Variants in DLGAP2 observed in about 807,000 individuals in gnomAD.
The protein encoded by DLGAP2 is DLG associated protein 2.
A neutral mutation model predicts 100.3 loss-of-function variants in DLGAP2; 26 were observed. The ratio of observed to expected loss-of-function variants is 0.26; its 90% confidence interval spans 0.19 to 0.36. The LOEUF is 0.36. Among genes scored for constraint, DLGAP2 ranks in the 10% least tolerant of loss-of-function variants. DLGAP2 has a pLI of 1.00. For missense variants in DLGAP2, 1,858 were observed against 1,453.2 expected, an observed-to-expected ratio of 1.28 and a Z score of -4.53; for synonymous variants, 886 against 630.1, an observed-to-expected ratio of 1.41 and a Z score of -6.08.
Position 1,548,746 on chromosome 8 carries a change from C to T in DLGAP2, c.293C>T (p.Thr98Met), listed in dbSNP as rs963965613. The change falls in exon 5 of 15, where the codon ACG (threonine) becomes ATG (methionine). Residue 98 changes from threonine (T) to methionine (M), a missense_variant. Physicochemically the swap from Thr to Met is moderately conservative, Grantham distance 81. Transcript: ENST00000637795. The stretch of plus-strand genomic sequence containing the variant: ...CAGCCGCCGCTGTGTTCCGGGCACA[C>T]GTGTGGTCTGGCGCCCCCGGAGGAC... ...RTQPPLCSGH[T>M]CGLAPPEDCE... The T allele has an allele frequency of 1.9e-6, 3 of 1,605,596 alleles. No homozygotes were observed. Among genetic ancestry groups the T allele is most frequent in the East Asian group, 2.2e-5 (1 of 44,630 alleles).
intron 2 of DLGAP2, among the ~76,000 whole-genome samples, chr8:1,024,673 G>A (rs1178784683): frequency 2.6e-5 from 4 of 152,208 alleles, no homozygotes; most frequent in Non-Finnish European, 5.9e-5. Context: ...CAGAGGAGGA[G>A]TGCGGTGGGT....
At chr8:936,926 G>A (rs1799085756) in intron 2 of DLGAP2, among the ~76,000 whole-genome samples, 1 of 152,208 alleles carries the variant, frequency 6.6e-6, no homozygotes, top group Admixed American at 6.5e-5. Context: ...AAAGCGCACT[G>A]CGTGACGTCA....
At chr8:908,318 C>T (rs973866578) in intron 2 of DLGAP2, among the ~76,000 whole-genome samples, 1 of 152,106 alleles carries the variant, frequency 6.6e-6, no homozygotes, top group Non-Finnish European at 1.5e-5. Context: ...AGAAAATCAC[C>T]ATTCTTATTG....
intron 3 of DLGAP2, among the ~76,000 whole-genome samples, chr8:1,262,244 C>T (rs1355816380): frequency 1.3e-5 from 2 of 152,162 alleles, no homozygotes; most frequent in Admixed American, 6.5e-5. Flanking sequence ...GCCTGTTTTT[C>T]AGAGAACTTA....
intron 4 of DLGAP2, among the ~76,000 whole-genome samples, chr8:1,524,165 A>AG (rs1800711786): frequency 6.6e-6 from 1 of 152,150 alleles, no homozygotes; most frequent in Non-Finnish European, 1.5e-5. Context: ...GGGCTTTTAA[A>AG]GGGGAACATC....
chr8:1,549,739 G>T (rs945658935), intron 5 of DLGAP2, 56 bp downstream of exon 5: 1 of 1,450,586 alleles, frequency 6.9e-7, no homozygotes, highest in South Asian at 1.4e-5. Flanking sequence ...TGGTATTGTC[G>T]TTATTCCTTT....
chr8:1,388,899 T>C (rs1796281561), intron 3 of DLGAP2, among the ~76,000 whole-genome samples: 1 of 126,738 alleles, frequency 7.9e-6, no homozygotes, highest in African/African-American at 3.1e-5. Flanking sequence ...GTGTCAGGGC[T>C]GTGAGAGGCA....
At position 1,145,699 on chromosome 8, in the gene DLGAP2, G is replaced by C. The variant is rs576987649; in HGVS notation, c.74-113152G>C. On this transcript the variant is annotated intron_variant, in intron 2 of 14. Transcript: ENST00000637795. ...ACATATGTATACATGTGCCATGCTG[G>C]TGTGCTGCACCCATTAACTCGTCAT... Among the ~76,000 whole-genome samples the C allele has an allele frequency of 2.7e-5, 4 of 150,758 alleles. No homozygotes were observed. In the East Asian group the frequency reaches 7.8e-4, roughly 29 times the overall value.
At chr8:1,202,078 TGTG>T (rs1210624630) in intron 2 of DLGAP2, among the ~76,000 whole-genome samples, 6 of 152,162 alleles carry the variant, frequency 3.9e-5, no homozygotes, top group East Asian at 1.9e-4. Flanking sequence ...TGTGTACGCC[TGTG>T]GTGTGTGCAA....
chr8:1,100,572 A>C (rs1219446461), intron 2 of DLGAP2, among the ~76,000 whole-genome samples: 1 of 152,150 alleles, frequency 6.6e-6, no homozygotes. Flanking sequence ...TGGTCTCAGA[A>C]TGTGTCTTCT....
chr8:1,006,812 G>A (rs1459816878), intron 2 of DLGAP2, among the ~76,000 whole-genome samples: 13 of 53,930 alleles, frequency 2.4e-4, no homozygotes, highest in Non-Finnish European at 4.1e-4. Flanking sequence ...TTATCACGTC[G>A]GGGGCGCCCT....
At chr8:1,112,237 ATTTTT>A (rs4044488) in intron 2 of DLGAP2, among the ~76,000 whole-genome samples, 1 of 98,030 alleles carries the variant, frequency 1.0e-5, no homozygotes, top group Non-Finnish European at 1.9e-5. Flanking sequence ...TCCTTTGCCC[ATTTTT>A]TTTTTTTTTT....
At chr8:772,027 C>T (rs1441286189) in intron 1 of DLGAP2, among the ~76,000 whole-genome samples, 1 of 151,940 alleles carries the variant, frequency 6.6e-6, no homozygotes, top group Non-Finnish European at 1.5e-5. Context: ...CTCAGCCTCT[C>T]GAGTAGCTGG....
chr8:742,209 A>G (rs996908791), intron 1 of DLGAP2, among the ~76,000 whole-genome samples: 2 of 152,234 alleles, frequency 1.3e-5, no homozygotes, highest in Admixed American at 6.5e-5. Context: ...ATCTTCGGGT[A>G]CTGTTTCTTA....
At chr8:1,156,240 G>A (rs1276426634) in intron 2 of DLGAP2, among the ~76,000 whole-genome samples, 1 of 152,140 alleles carries the variant, frequency 6.6e-6, no homozygotes, top group Admixed American at 6.5e-5. Flanking sequence ...CTGAAACCCA[G>A]GACCCGGGTA....
chr8:1,441,905 T>C (rs1033493329), intron 3 of DLGAP2, among the ~76,000 whole-genome samples: 1 of 151,970 alleles, frequency 6.6e-6, no homozygotes, highest in Non-Finnish European at 1.5e-5. Flanking sequence ...GTGGTCCATA[T>C]ACACTATGGA....
chr8:1,171,087 G>A (rs1797118755), intron 2 of DLGAP2, among the ~76,000 whole-genome samples: 2 of 151,916 alleles, frequency 1.3e-5, no homozygotes, highest in Admixed American at 1.3e-4. Flanking sequence ...TTGTGTCTTT[G>A]TTCTCGTTGG....
At chr8:803,174 A>G (rs530419736) in intron 1 of DLGAP2, among the ~76,000 whole-genome samples, 1 of 152,044 alleles carries the variant, frequency 6.6e-6, no homozygotes, top group African/African-American at 2.4e-5. Context: ...GCCTGGGTTC[A>G]TCCCCAGGCC....
chr8:1,501,319 C>G lies in DLGAP2; in HGVS notation c.107-47C>G, dbSNP rs1321025378. 8 of 1,530,752 alleles carry G rather than the reference C, an allele frequency of 5.2e-6. No homozygotes were observed. In the Admixed American group the frequency reaches 9.8e-5, roughly 19 times the overall value. The allele number at this position is 1,530,752 out of a possible 1,614,324, so 94.8% of individuals were successfully genotyped here. A position where few individuals can be genotyped will look rare whatever the true frequency, so the allele number is the denominator to read the frequency against. The stretch of plus-strand genomic sequence containing the variant: ...AAGATGTGCAGGGAATGACTGCAGT[C>G]TACACCAGAAACGCATTAAAGAGTG... On this transcript the variant is annotated intron_variant, in intron 3 of 14. Coordinates refer to ENST00000637795, the MANE Select transcript of DLGAP2 (RefSeq NM_001346810.2).
Sources: gnomAD v4.1 joint callset for allele counts (sites outside exome capture counted in the v4.1 genomes callset) on GRCh38, gnomAD v4.1.1 for gene constraint, MANE v1.5 for transcripts, NCBI Gene and HGNC (gene_info 2026-07-23, HGNC 2026-07-21) for gene names.